ELMO1: variants seen among roughly 807,000 people sequenced by gnomAD.
ELMO1 encodes engulfment and cell motility 1.
A neutral mutation model predicts 98.9 loss-of-function variants in ELMO1; 26 were observed. The observed-to-expected ratio is 0.26, with a 90% CI of 0.19 to 0.36. The LOEUF (loss-of-function observed/expected upper bound fraction) is 0.36. ELMO1 is among the 10% of genes least tolerant of loss of function. The pLI is 1.00. For missense variants in ELMO1, 627 were observed against 935.2 expected (o/e 0.67, Z 4.30); for synonymous variants, 346 against 346.0 (o/e 1.00, Z 0.00).
chr7:37,241,337 A>G (rs1216458190), intron 7 of ELMO1, among the ~76,000 whole-genome samples: 1 of 152,072 alleles, frequency 6.6e-6, no homozygotes, highest in Non-Finnish European at 1.5e-5. Context: ...TATTATTATT[A>G]GCATTTGCAT....
At chr7:37,322,680 A>G (rs1405876967) in intron 2 of ELMO1, among the ~76,000 whole-genome samples, 1 of 151,476 alleles carries the variant, frequency 6.6e-6, no homozygotes, top group Non-Finnish European at 1.5e-5. Context: ...GCGTGTGCCT[A>G]TAGTAACAGC....
At chr7:36,961,133 C>A (rs1329131656) in intron 16 of ELMO1, among the ~76,000 whole-genome samples, 2 of 152,192 alleles carry the variant, frequency 1.3e-5, no homozygotes, top group Non-Finnish European at 2.9e-5. Flanking sequence ...AAAACTCAGA[C>A]AGGCTAGGAA....
intron 17 of ELMO1, 69 bp from the exon 18 acceptor site, chr7:36,887,741 G>C (rs975650528): frequency 7.3e-7 from 1 of 1,377,576 alleles, no homozygotes; most frequent in Non-Finnish European, 1.0e-6. Context: ...TGGGCATCAT[G>C]GGCATACGGG....
At chr7:36,925,852 T>A (rs901742707) in intron 16 of ELMO1, among the ~76,000 whole-genome samples, 1 of 152,150 alleles carries the variant, frequency 6.6e-6, no homozygotes, top group Non-Finnish European at 1.5e-5. Flanking sequence ...TTAATGACAA[T>A]CTCTGGAAGT....
Position 36,973,344 on chromosome 7 carries a change from T to C in ELMO1, c.1437+39955A>G, listed in dbSNP as rs544796848. Reference sequence around the variant, plus strand: ...GGAAAATTTTTCTGATCTATATAACTGAGGCCTGACATTTAGGAGACTGTG... The same window carrying C: ...GGAAAATTTTTCTGATCTATATAACCGAGGCCTGACATTTAGGAGACTGTG... On this transcript the variant is annotated intron_variant, in intron 16 of 21. Transcript: ENST00000310758. Among the ~76,000 whole-genome samples the C allele has an allele frequency of 2.0e-5, 3 of 152,356 alleles. No homozygotes were observed. The South Asian group carries it at 6.2e-4, about 32-fold the overall frequency.
intron 14 of ELMO1, among the ~76,000 whole-genome samples, chr7:37,105,158 A>T (rs990071694): frequency 6.6e-6 from 1 of 152,270 alleles, no homozygotes; most frequent in African/African-American, 2.4e-5. Context: ...AAACACACAG[A>T]GCAATCAAAG....
intron 19 of ELMO1, among the ~76,000 whole-genome samples, chr7:36,874,126 A>T (rs1157360382): frequency 6.6e-6 from 1 of 152,250 alleles, no homozygotes; most frequent in Non-Finnish European, 1.5e-5. Flanking sequence ...AACCGCCTCT[A>T]CTACTTTGGG....
At position 37,342,814 on chromosome 7, in the gene ELMO1, G is replaced by T; in HGVS notation, c.-73-51C>A. On this transcript the variant is annotated intron_variant, in intron 1 of 21. Coordinates refer to ENST00000310758, the MANE Select transcript of ELMO1 (RefSeq NM_014800.11). This position sits in a 1 kb window ranked among gnomAD's most constrained non-coding sequence, Gnocchi z 4.3. The stretch of plus-strand genomic sequence containing the variant: ...AGAGAAGTCACTCAGTGCAGATGCA[G>T]GGTGAATTTTGCTTCATCACTTCCT... 1 of 904,404 alleles carries T rather than the reference G, an allele frequency of 1.1e-6. No individual in the cohort carries two copies. 56.0% of individuals were successfully genotyped at this position (904,404 alleles called of 1,614,324 possible).
intron 1 of ELMO1, chr7:37,352,954 C>T (rs1229082760): frequency 6.6e-6 from 1 of 152,272 alleles, no homozygotes; most frequent in Admixed American, 6.5e-5. Flanking sequence ...CATCCTCCCC[C>T]ACCCAACGAG....
At chr7:37,329,565 CTGGCCAG>C (rs1799994121) in intron 2 of ELMO1, among the ~76,000 whole-genome samples, 1 of 152,112 alleles carries the variant, frequency 6.6e-6, no homozygotes, top group African/African-American at 2.4e-5. Flanking sequence ...AATGGGAAAA[CTGGCCAG>C]TGTATCAAAA....
chr7:37,200,244 A>ATTT (rs373030810), intron 13 of ELMO1, among the ~76,000 whole-genome samples: 26,653 of 137,408 alleles, frequency 0.19, 2,986 homozygotes, highest in Middle Eastern at 0.26. Flanking sequence ...AAGCTAATTA[A>ATTT]TTTTTTTTTT....
chr7:37,155,246 T>A (rs370208494), intron 13 of ELMO1, among the ~76,000 whole-genome samples: 2 of 152,138 alleles, frequency 1.3e-5, no homozygotes, highest in Non-Finnish European at 2.9e-5. Flanking sequence ...AGAAACTGCA[T>A]CAATTAATGG....
At chr7:37,327,854 G>A (rs976981538) in intron 2 of ELMO1, among the ~76,000 whole-genome samples, 4 of 152,146 alleles carry the variant, frequency 2.6e-5, no homozygotes, top group African/African-American at 9.7e-5. Context: ...TTCAGGAAGG[G>A]TCTAAACTAT....
intron 15 of ELMO1, among the ~76,000 whole-genome samples, chr7:37,094,779 A>G (rs1286837636): frequency 6.6e-6 from 1 of 152,182 alleles, no homozygotes; most frequent in Non-Finnish European, 1.5e-5. Flanking sequence ...AATACTTCCA[A>G]TCCATTTCTA....
intron 13 of ELMO1, chr7:37,204,390 A>T (rs183628031): frequency 1.3e-4 from 47 of 355,036 alleles, no homozygotes; most frequent in African/African-American, 8.0e-4. Context: ...TACAGTTCAT[A>T]AAGGCGGCAT....
At chr7:37,267,445 C>T (rs1047963229) in intron 5 of ELMO1, among the ~76,000 whole-genome samples, 18 of 152,186 alleles carry the variant, frequency 1.2e-4, no homozygotes, top group African/African-American at 7.2e-5. Context: ...CTTGGGCGCG[C>T]GCACGCGTGT....
At chr7:37,163,289 T>G (rs1789358015) in intron 13 of ELMO1, among the ~76,000 whole-genome samples, 1 of 152,052 alleles carries the variant, frequency 6.6e-6, no homozygotes, top group Non-Finnish European at 1.5e-5. Context: ...TCTCCTGTAA[T>G]TCTTTTTATT....
At chr7:37,290,518 TA>T (rs1797620723) in intron 4 of ELMO1, among the ~76,000 whole-genome samples, 1 of 152,220 alleles carries the variant, frequency 6.6e-6, no homozygotes, top group Admixed American at 6.5e-5. Flanking sequence ...AAGAGCTATA[TA>T]AACAGCTATA....
chr7:37,369,652 G>A (rs1200937889), intron 1 of ELMO1, among the ~76,000 whole-genome samples: 1 of 140,122 alleles, frequency 7.1e-6, no homozygotes, highest in Non-Finnish European at 1.5e-5. Flanking sequence ...TCTTAAGCAA[G>A]CTATATATAG....
Sources: allele counts gnomAD v4.1 joint callset (sites outside exome capture counted in the v4.1 genomes callset), GRCh38; gene constraint gnomAD v4.1.1; non-coding constraint Gnocchi (gnomAD v3.1); transcripts MANE v1.5; gene names NCBI Gene and HGNC (gene_info 2026-07-23, HGNC 2026-07-21).